CSMD3: variants seen among roughly 807,000 people sequenced by gnomAD.
CSMD3 encodes CUB and Sushi multiple domains 3.
CSMD3 carries 177 observed loss-of-function variants against 435.2 expected under a neutral mutation model. The ratio of observed to expected loss-of-function variants is 0.41; its 90% CI spans 0.36 to 0.46. The LOEUF is 0.46. Ranked by LOEUF, CSMD3 falls within the 20% of genes least tolerant of loss-of-function variation. CSMD3 has a pLI of 0.34. For missense variants in CSMD3, 4,265 were observed against 4,504.6 expected, an observed-to-expected ratio of 0.95 and a Z score of 1.52; for synonymous variants, 1,656 against 1,520.5, an observed-to-expected ratio of 1.09 and a Z score of -2.07.
intron 13 of CSMD3, among the ~76,000 whole-genome samples, chr8:112,696,689 C>A (rs530294563): frequency 1.5e-3 from 227 of 152,160 alleles, no homozygotes; most frequent in African/African-American, 5.4e-3. Context: ...TCCAAAACAC[C>A]AAAAGCAATG....
chr8:112,558,698 T>C (rs1828350155), intron 24 of CSMD3, among the ~76,000 whole-genome samples: 2 of 151,920 alleles, frequency 1.3e-5, no homozygotes. Context: ...CATACATATA[T>C]GGCGTCAGAA....
At chr8:113,324,615 C>T (rs148008478) in intron 1 of CSMD3, among the ~76,000 whole-genome samples, 4 of 152,260 alleles carry the variant, frequency 2.6e-5, no homozygotes, top group African/African-American at 2.4e-5. Flanking sequence ...AGGGTCTTCA[C>T]GGAGAACCTC....
At chr8:112,667,301 C>T (rs758963473) in intron 16 of CSMD3, among the ~76,000 whole-genome samples, 10 of 152,048 alleles carry the variant, frequency 6.6e-5, no homozygotes, top group South Asian at 2.1e-4. Flanking sequence ...TAAATGAAAC[C>T]GCCATCTGTC....
chr8:112,281,254 T>A lies in CSMD3; in HGVS notation c.9428A>T (p.Glu3143Val). ...FSSSVIYSCM[E>V]GYILSGPSVR... Reference sequence around the variant, plus strand: ...TGAAGGTCCAGAAAGGATGTATCCCTCCATGCAGGAATAAATGACTGAACT... The same window carrying A: ...TGAAGGTCCAGAAAGGATGTATCCCACCATGCAGGAATAAATGACTGAACT... The change falls in exon 59 of 71, where the codon GAG becomes GTG. Residue 3143 changes from glutamate (E) to valine (V), a missense_variant. Transcript: ENST00000297405. The A allele has an allele frequency of 6.2e-7, 1 of 1,613,300 alleles. No homozygotes were observed. The highest frequency in any genetic ancestry group is 8.5e-7 in the Non-Finnish European group (1 of 1,179,388).
chr8:112,811,546 T>C (rs1158244077), intron 12 of CSMD3, among the ~76,000 whole-genome samples: 1 of 152,164 alleles, frequency 6.6e-6, no homozygotes, highest in Non-Finnish European at 1.5e-5. Context: ...CTTGGCTCCA[T>C]TATGTAACTT....
chr8:112,453,058 C>A (rs1425695332), intron 32 of CSMD3, among the ~76,000 whole-genome samples: 1 of 152,048 alleles, frequency 6.6e-6, no homozygotes, highest in Non-Finnish European at 1.5e-5. Context: ...GGTAAAAAGG[C>A]AAGAAGCTGG....
intron 3 of CSMD3, among the ~76,000 whole-genome samples, chr8:113,243,899 A>G (rs2093247636): frequency 6.6e-6 from 1 of 152,120 alleles, no homozygotes; most frequent in Admixed American, 6.6e-5. Context: ...TTATTTTAAT[A>G]TCTTTTTTGT....
intron 1 of CSMD3, among the ~76,000 whole-genome samples, chr8:113,397,148 C>G (rs1353712243): frequency 6.6e-6 from 1 of 152,130 alleles, no homozygotes; most frequent in Non-Finnish European, 1.5e-5. Flanking sequence ...TATGATAACA[C>G]ACTATGCCTT....
chr8:112,442,652 C>A (rs1286044239), intron 32 of CSMD3, among the ~76,000 whole-genome samples: 1 of 152,120 alleles, frequency 6.6e-6, no homozygotes, highest in Non-Finnish European at 1.5e-5. Flanking sequence ...AATGATCATC[C>A]AGCTCGAGAA....
At chr8:112,831,505 A>C (rs899916522) in intron 11 of CSMD3, among the ~76,000 whole-genome samples, 2 of 151,238 alleles carry the variant, frequency 1.3e-5, no homozygotes, top group South Asian at 4.2e-4. Context: ...AAATGTTCAC[A>C]TTCGTGTACA....
chr8:113,303,630 T>C (rs2093792951), intron 2 of CSMD3, among the ~76,000 whole-genome samples: 1 of 138,930 alleles, frequency 7.2e-6, no homozygotes, highest in African/African-American at 2.7e-5. Flanking sequence ...TATCTGATCT[T>C]TGACAAACCT....
At chr8:112,637,248 CTGAATAATAAATTAAAAAATAGCTATT>C (rs1403418354) in intron 21 of CSMD3, among the ~76,000 whole-genome samples, 2 of 151,990 alleles carry the variant, frequency 1.3e-5, no homozygotes, top group African/African-American at 4.8e-5. Flanking sequence ...ATATCACCTT[CTGAATAATAAATTAAAAAATAGCTATT>C]TATCTTATTG....
chr8:112,442,820 C>T (rs1021264053), intron 32 of CSMD3, among the ~76,000 whole-genome samples: 1 of 152,122 alleles, frequency 6.6e-6, no homozygotes. Context: ...TTCCCACAAA[C>T]AGGAATGCAG....
At chr8:113,055,308 G>A (rs942352827) in intron 5 of CSMD3, among the ~76,000 whole-genome samples, 4 of 152,146 alleles carry the variant, frequency 2.6e-5, no homozygotes, top group South Asian at 2.1e-4. Context: ...AAGCCACCGC[G>A]CCCGGCCTTG....
At chr8:112,400,529 A>G (rs1167382413) in intron 35 of CSMD3, among the ~76,000 whole-genome samples, 4 of 152,154 alleles carry the variant, frequency 2.6e-5, no homozygotes, top group Non-Finnish European at 4.4e-5. Context: ...GGAAATACAG[A>G]CTGCTGGATC....
chr8:113,367,547 G>C (rs1336516333), intron 1 of CSMD3, among the ~76,000 whole-genome samples: 2 of 152,000 alleles, frequency 1.3e-5, no homozygotes, highest in Non-Finnish European at 2.9e-5. Context: ...ACTGAAATTG[G>C]AATATTATCT....
intron 4 of CSMD3, among the ~76,000 whole-genome samples, chr8:113,159,846 CTG>C (rs1398318027): frequency 6.6e-6 from 1 of 151,868 alleles, no homozygotes; most frequent in Non-Finnish European, 1.5e-5. Context: ...TTGATTAACT[CTG>C]TGGGATATAA....
chr8:112,315,204 C>A (rs1444627697), intron 47 of CSMD3, among the ~76,000 whole-genome samples: 1 of 151,864 alleles, frequency 6.6e-6, no homozygotes, highest in Non-Finnish European at 1.5e-5. Flanking sequence ...GCCCAAAGCA[C>A]AAACTCTTTT....
intron 1 of CSMD3, among the ~76,000 whole-genome samples, chr8:113,410,567 C>T (rs2094553520): frequency 6.6e-6 from 1 of 151,972 alleles, no homozygotes; most frequent in African/African-American, 2.4e-5. Flanking sequence ...ATTAGATTCC[C>T]ATCTACTTGC....
Sources: gnomAD v4.1 joint callset for allele counts (sites outside exome capture counted in the v4.1 genomes callset) on GRCh38, gnomAD v4.1.1 for gene constraint, MANE v1.5 for transcripts, NCBI Gene and HGNC (gene_info 2026-07-23, HGNC 2026-07-21) for gene names.